Variants in IPO9 observed in about 807,000 individuals in gnomAD.
IPO9 encodes importin 9.
In IPO9, 28 loss-of-function variants were observed where a neutral mutation model predicts 128.6. The ratio of observed to expected loss-of-function variants is 0.22; its 90% CI spans 0.16 to 0.30. The LOEUF is 0.30. IPO9 is among the 10% of genes least tolerant of loss of function. The pLI is 1.00. For synonymous variants in IPO9, 455 were observed against 475.8 expected (o/e 0.96, Z 0.57); for missense variants, 935 against 1,293.9 (o/e 0.72, Z 4.26).
chr1:201,866,666 G>T, intron 14 of IPO9, 67 bp from the exon 15 acceptor site: 2 of 1,206,602 alleles, frequency 1.7e-6, no homozygotes, highest in South Asian at 1.2e-5. Flanking sequence ...TATAATATGT[G>T]AGATTGATTG....
Position 201,858,963 on chromosome 1 carries a change from C to T in IPO9, c.1437C>T (p.Thr479=). 5 of 1,611,662 alleles carry T rather than the reference C, an allele frequency of 3.1e-6. No individual in the cohort carries two copies. Among genetic ancestry groups the T allele is most frequent in the Non-Finnish European group, 4.2e-6 (5 of 1,178,254 alleles). Reference sequence around the variant, plus strand: ...ATTTTGACATGCATGGGTTCCTGACCAATGTCATCCTTGCAGACCTCAACC... The same window carrying T: ...ATTTTGACATGCATGGGTTCCTGACTAATGTCATCCTTGCAGACCTCAACC... ...RIHFDMHGFL[T]NVILADLNLS... is the part of the protein sequence containing the mutation. Residue 479 remains threonine, a synonymous_variant, in exon 13 of 24, where the codon ACC becomes ACT. Transcript: ENST00000361565.
rs966119963 is a variant in IPO9, at chr1:201,870,247, C to G, written c.2134-336C>G. Among the ~76,000 whole-genome samples, 3 of 152,116 alleles carry G rather than the reference C, an allele frequency of 2.0e-5. No homozygotes were observed. Among genetic ancestry groups the G allele is most frequent in the Non-Finnish European group, 4.4e-5 (3 of 68,026 alleles). On this transcript the variant is annotated intron_variant, in intron 17 of 23. Coordinates refer to ENST00000361565, the MANE Select transcript of IPO9 (RefSeq NM_018085.5). This position sits in a 1 kb window ranked among gnomAD's most constrained non-coding sequence, Gnocchi z 4.9. ...ACCTATATAAAGACCTACAGTATCCCCAGTTATTCCAAGATTGTAAGCATA... is the reference window on the plus strand; with the variant it reads ...ACCTATATAAAGACCTACAGTATCCGCAGTTATTCCAAGATTGTAAGCATA...
rs1680762450 is a variant in IPO9 at position 201,876,311 on chromosome 1, AC to A, written c.*262del. 3.4e-6 allele frequency: 2 copies of A among 590,996 alleles called. No individual in the cohort carries two copies. Among genetic ancestry groups the A allele is most frequent in the Non-Finnish European group, 3.1e-6 (1 of 319,236 alleles). The allele number at this position is 590,996 out of a possible 1,614,324, so 36.6% of individuals were successfully genotyped here. A position where few individuals can be genotyped will look rare whatever the true frequency, so the allele number is the denominator to read the frequency against. Reference sequence around the variant, plus strand: ...TAGAACCTTTTTTCTCCCCGACTCTACCCCCACCTCTGTTCCTAGAGCCCTC... The same window carrying A: ...TAGAACCTTTTTTCTCCCCGACTCTACCCCACCTCTGTTCCTAGAGCCCTC... On this transcript the variant is annotated 3_prime_UTR_variant, in exon 24 of 24. Coordinates refer to ENST00000361565, the MANE Select transcript of IPO9 (RefSeq NM_018085.5).
rs201579189 is a variant in IPO9, at chr1:201,829,283, T to C, written c.74T>C (p.Leu25Ser). ...GPVAQGLKEALVDTLTGILSP... is the reference protein window; with the variant it reads ...GPVAQGLKEASVDTLTGILSP... ...GTGGCACAAGGATTAAAGGAAGCGT[T>C]AGTGGATACGCTCACCGGGATCCTA... Residue 25 changes from leucine to serine, a missense_variant, in exon 1 of 24, where the codon TTA becomes TCA. Transcript: ENST00000361565. The C allele has an allele frequency of 6.2e-7, 1 of 1,601,930 alleles. No homozygotes were observed. Among genetic ancestry groups the C allele is most frequent in the East Asian group, 2.3e-5 (1 of 44,042 alleles).
At chr1:201,833,697 A>T (rs1276847697) in intron 1 of IPO9, among the ~76,000 whole-genome samples, 1 of 152,224 alleles carries the variant, frequency 6.6e-6, no homozygotes, top group Non-Finnish European at 1.5e-5. Flanking sequence ...TAGCACTCCC[A>T]TCCTGAATTG....
rs915853621 is a variant in IPO9 at position 201,882,486 on chromosome 1, A to G, written c.*6432A>G. The G allele has an allele frequency of 9.9e-5, 15 of 151,670 alleles. No homozygotes were observed. The highest frequency in any genetic ancestry group is 1.8e-4 in the Non-Finnish European group (12 of 67,944). 9.4% of individuals were successfully genotyped at this position (151,670 alleles called of 1,614,324 possible). A position where few individuals can be genotyped will look rare whatever the true frequency, so the allele number is the denominator to read the frequency against. On this transcript the variant is annotated 3_prime_UTR_variant, in exon 24 of 24. Transcript: ENST00000361565. ...AGTTTTGTGAATTTAAGTTTCCCTA[A>G]TGGATGGTACAGGTCAACATTTGCC...
intron 1 of IPO9, among the ~76,000 whole-genome samples, chr1:201,833,805 A>G (rs1438558982): frequency 6.6e-6 from 1 of 151,980 alleles, no homozygotes; most frequent in Non-Finnish European, 1.5e-5. Context: ...TTTTTTTAAG[A>G]TACAGAGTTT....
At chr1:201,865,282 C>G (rs976388814) in intron 14 of IPO9, among the ~76,000 whole-genome samples, 1 of 150,524 alleles carries the variant, frequency 6.6e-6, no homozygotes, top group African/African-American at 2.5e-5. Flanking sequence ...GATCTCGGCT[C>G]ACCACAACCT....
intron 13 of IPO9, among the ~76,000 whole-genome samples, chr1:201,860,858 C>G (rs1259025476): frequency 2.0e-5 from 3 of 152,196 alleles, no homozygotes; most frequent in African/African-American, 7.2e-5. Flanking sequence ...GAAAACTCCA[C>G]TGTATACTTG....
Position 201,866,895 on chromosome 1 carries a change from C to T in IPO9, c.1791C>T (p.Phe597=), listed in dbSNP as rs745512146. The T allele has an allele frequency of 5.5e-5, 88 of 1,614,036 alleles. No homozygotes were observed. Among genetic ancestry groups the T allele is most frequent in the Non-Finnish European group, 7.5e-5 (88 of 1,180,030 alleles). The change falls in exon 15 of 24, where the codon TTC becomes TTT. Residue 597 remains phenylalanine, a synonymous_variant. Coordinates refer to ENST00000361565, the MANE Select transcript of IPO9 (RefSeq NM_018085.5). ...TCGTTTGTACAGTAGACCCCGAATTCACAGCAAGCATGGAAAGCAAAATCT... is the reference window on the plus strand; with the variant it reads ...TCGTTTGTACAGTAGACCCCGAATTTACAGCAAGCATGGAAAGCAAAATCT... ...LCIVCTVDPE[F]TASMESKICP... is the part of the protein sequence containing the mutation.
At chr1:201,859,864 G>A (rs1204105543) in intron 13 of IPO9, among the ~76,000 whole-genome samples, 1 of 152,042 alleles carries the variant, frequency 6.6e-6, no homozygotes, top group Non-Finnish European at 1.5e-5. Context: ...AGAGGCTGAG[G>A]CAGGAGAATC....
rs1680630043 is a variant in IPO9, at chr1:201,870,570, CCT to C, written c.2134-12_2134-11del. 25 of 1,605,666 alleles carry C rather than the reference CCT, an allele frequency of 1.6e-5. No individual in the cohort carries two copies. The highest frequency in any genetic ancestry group is 2.2e-5 in the East Asian group (1 of 44,660). On this transcript the variant is annotated splice_polypyrimidine_tract_variant and intron_variant, in intron 17 of 23. Coordinates refer to ENST00000361565, the MANE Select transcript of IPO9 (RefSeq NM_018085.5). This position sits in a 1 kb window ranked among gnomAD's most constrained non-coding sequence, Gnocchi z 4.9. ...TCGATTACTAATCTTGCTTGCCACC[CCT>C]GTCTCCCCAGAATGGCGGAGAGTGC...
chr1:201,836,295 G>C (rs562884808), intron 1 of IPO9, among the ~76,000 whole-genome samples: 2 of 152,214 alleles, frequency 1.3e-5, no homozygotes, highest in African/African-American at 4.8e-5. Flanking sequence ...GAAACCAATG[G>C]ATAGGAGCAA....
chr1:201,874,828 G>A lies in IPO9; in HGVS notation c.2834-4G>A. Reference sequence around the variant, plus strand: ...AGCTCTAGCTGCTTTTCATCTCCAAGTAGATGACTCCAATGATATGTGGGA... The same window carrying A: ...AGCTCTAGCTGCTTTTCATCTCCAAATAGATGACTCCAATGATATGTGGGA... On this transcript the variant is annotated splice_polypyrimidine_tract_variant and splice_region_variant and intron_variant, in intron 21 of 23. Transcript: ENST00000361565. The A allele has an allele frequency of 6.2e-7, 1 of 1,601,352 alleles. No homozygotes were observed. The highest frequency in any genetic ancestry group is 8.6e-7 in the Non-Finnish European group (1 of 1,168,382).
chr1:201,853,706 A>G (rs922116103), intron 6 of IPO9, among the ~76,000 whole-genome samples: 43 of 151,692 alleles, frequency 2.8e-4, no homozygotes, highest in Non-Finnish European at 5.6e-4. Context: ...ATGTGCTACC[A>G]CTCCTGGCTA....
intron 19 of IPO9, 124 bp from the exon 20 acceptor site, chr1:201,872,704 C>A (rs1447870754): frequency 9.2e-7 from 1 of 1,086,898 alleles, no homozygotes; most frequent in African/African-American, 1.6e-5. Flanking sequence ...TCTTAGCTCT[C>A]CTAATTAGTT....
chr1:201,858,745 C>A, intron 12 of IPO9, 110 bp from the exon 13 acceptor site: 1 of 1,178,214 alleles, frequency 8.5e-7, no homozygotes, highest in Non-Finnish European at 1.2e-6. Context: ...GTAAATGACT[C>A]TTTTGGAAGA....
In IPO9 at chr1:201,868,724, A is replaced by C. The variant is rs987067846; in HGVS notation, c.1932A>C (p.Gln644His). Residue 644 changes from glutamine to histidine, a missense_variant, in exon 16 of 24, where the codon CAA (glutamine) becomes CAC (histidine). This residue lies in a region of IPO9 where 741 missense variants were observed against 1,019.1 expected (regional missense o/e 0.73). Transcript: ENST00000361565. Reference sequence around the variant, plus strand: ...TTGAAGCCTGTCAGGGCCCAATGCAAATGAGGCTGATTCCCACTCTGGTCA... The same window carrying C: ...TTGAAGCCTGTCAGGGCCCAATGCACATGAGGCTGATTCCCACTCTGGTCA... ...SQIEACQGPM[Q>H]MRLIPTLVSI... 6.2e-7 allele frequency: 1 copy of C among 1,613,914 alleles called. No homozygotes were observed. The highest frequency in any genetic ancestry group is 1.3e-5 in the African/African-American group (1 of 74,896).
At chr1:201,851,294 G>T (rs535404856) in intron 4 of IPO9, among the ~76,000 whole-genome samples, 16 of 151,570 alleles carry the variant, frequency 1.1e-4, no homozygotes, top group African/African-American at 1.7e-4. Context: ...TGGGATTACA[G>T]GTATAAGCCA....
Sources: allele counts gnomAD v4.1 joint callset (sites outside exome capture counted in the v4.1 genomes callset), GRCh38; gene constraint gnomAD v4.1.1; regional missense constraint gnomAD v4.1.1; non-coding constraint Gnocchi (gnomAD v3.1); transcripts MANE v1.5; gene names NCBI Gene and HGNC (gene_info 2026-07-23, HGNC 2026-07-21).